The following ZGRF1 variants were observed in gnomAD, a reference collection of about 807,000 sequenced individuals.
ZGRF1 encodes the protein 5'-3' DNA helicase ZGRF1.
In ZGRF1, 196 loss-of-function variants were observed where a neutral mutation model predicts 203.5. The observed-to-expected ratio is 0.96, with a 90% CI of 0.86 to 1.08. The LOEUF is 1.08. Among genes scored for constraint, ZGRF1 ranks in the 50% least tolerant of loss-of-function variants. The pLI, the probability that ZGRF1 is intolerant of heterozygous loss-of-function variation, is 0.00. For missense variants in ZGRF1, 2,326 were observed against 2,416.3 expected, an observed-to-expected ratio of 0.96 and a Z score of 0.78; for synonymous variants, 809 against 841.3, an observed-to-expected ratio of 0.96 and a Z score of 0.66.
chr4:112,541,057 C>A (rs781178594), intron 25 of ZGRF1, 35 bp downstream of exon 25: 4 of 1,547,972 alleles, frequency 2.6e-6, no homozygotes, highest in Non-Finnish European at 3.5e-6. Context: ...GGAACCTAAA[C>A]CATGTTGACT....
At chr4:112,541,409 TAAA>T (rs1213989518) in intron 24 of ZGRF1, 141 bp from the exon 25 acceptor site, 3 of 375,606 alleles carry the variant, frequency 8.0e-6, no homozygotes, top group Non-Finnish European at 1.4e-5. Flanking sequence ...AGACTATAAA[TAAA>T]AATATTTTTT....
At chr4:112,632,223 A>G (rs1227222596) in intron 2 of ZGRF1, among the ~76,000 whole-genome samples, 1 of 152,100 alleles carries the variant, frequency 6.6e-6, no homozygotes, top group Non-Finnish European at 1.5e-5. Context: ...AAATAAGGGA[A>G]GGAAGGGAGA....
intron 24 of ZGRF1, among the ~76,000 whole-genome samples, chr4:112,542,692 G>A (rs1737886880): frequency 1.3e-5 from 2 of 152,132 alleles, no homozygotes; most frequent in South Asian, 4.2e-4. Flanking sequence ...TTCTGCCTCA[G>A]CTTCCTGAGT....
chr4:112,636,666 G>A (rs1256871692), intron 1 of ZGRF1, 185 bp downstream of exon 1: 1 of 152,104 alleles, frequency 6.6e-6, no homozygotes, highest in African/African-American at 2.4e-5. Context: ...AGCAAGGCCT[G>A]GGAAAAACGG....
chr4:112,577,949 C>T (rs1271065609), intron 16 of ZGRF1, among the ~76,000 whole-genome samples: 1 of 122,692 alleles, frequency 8.2e-6, no homozygotes, highest in Non-Finnish European at 1.8e-5. Flanking sequence ...ATCTACACAA[C>T]TCTCCACCCC....
In ZGRF1 at chr4:112,603,528, A is replaced by C; in HGVS notation, c.2972T>G (p.Leu991Trp). The C allele has an allele frequency of 6.3e-7, 1 of 1,596,834 alleles. No individual in the cohort carries two copies. The highest frequency in any genetic ancestry group is 8.5e-7 in the Non-Finnish European group (1 of 1,170,220). Reference sequence around the variant, plus strand: ...CAACTATAAAAATATTTTTACCTGCAAGAAGTCAATCTGCATACACGTGCT... The same window carrying C: ...CAACTATAAAAATATTTTTACCTGCCAGAAGTCAATCTGCATACACGTGCT... Reference protein sequence around the residue: ...LPSTCMQIDFLQVTSPEENIS... With the variant: ...LPSTCMQIDFWQVTSPEENIS... Residue 991 changes from leucine to tryptophan, a missense_variant, in exon 10 of 28, where the codon TTG (leucine) becomes TGG (tryptophan). Transcript: ENST00000505019.
intron 6 of ZGRF1, 45 bp downstream of exon 6, chr4:112,617,395 A>T: frequency 1.5e-6 from 2 of 1,349,118 alleles, no homozygotes; most frequent in Non-Finnish European, 1.0e-6. Context: ...TTATAGCTCA[A>T]AGACCTATAA....
intron 16 of ZGRF1, among the ~76,000 whole-genome samples, chr4:112,566,440 T>C: frequency 6.6e-6 from 1 of 151,390 alleles, no homozygotes; most frequent in East Asian, 1.9e-4. Context: ...TGTATACATA[T>C]GTAACTAACC....
chr4:112,541,741 T>A (rs886780538), intron 24 of ZGRF1, among the ~76,000 whole-genome samples: 10 of 152,028 alleles, frequency 6.6e-5, no homozygotes, highest in African/African-American at 2.4e-4. Flanking sequence ...TTGGCCAAGC[T>A]GGTCTTGAAC....
chr4:112,550,595 G>A (rs1225917258), intron 22 of ZGRF1, among the ~76,000 whole-genome samples: 1 of 152,172 alleles, frequency 6.6e-6, no homozygotes, highest in Non-Finnish European at 1.5e-5. Context: ...GCTCACGCCT[G>A]TAATCCCAGC....
chr4:112,622,931 T>G (rs1317431012), intron 4 of ZGRF1, among the ~76,000 whole-genome samples: 3 of 152,160 alleles, frequency 2.0e-5, no homozygotes, highest in Non-Finnish European at 4.4e-5. Flanking sequence ...AAGTATTAAG[T>G]CTAGTACCCA....
chr4:112,575,481 C>T (rs866741475), intron 16 of ZGRF1, among the ~76,000 whole-genome samples: 5 of 152,058 alleles, frequency 3.3e-5, no homozygotes, highest in African/African-American at 7.2e-5. Flanking sequence ...GGTGAGGCAT[C>T]GCCTCACCCG....
At chr4:112,588,399 T>C (rs998490085) in intron 11 of ZGRF1, among the ~76,000 whole-genome samples, 2 of 152,144 alleles carry the variant, frequency 1.3e-5, no homozygotes, top group African/African-American at 2.4e-5. Flanking sequence ...ATGGTTCATT[T>C]ATATGACTAT....
intron 22 of ZGRF1, among the ~76,000 whole-genome samples, chr4:112,552,522 A>G (rs1740161847): frequency 6.6e-6 from 1 of 152,166 alleles, no homozygotes; most frequent in African/African-American, 2.4e-5. Context: ...TGGGTGAGTA[A>G]AATGATAAGT....
chr4:112,616,363 T>C, intron 6 of ZGRF1, among the ~76,000 whole-genome samples: 1 of 76,896 alleles, frequency 1.3e-5, no homozygotes, highest in Non-Finnish European at 2.6e-5. Flanking sequence ...CTACTAAAAA[T>C]ACAAAAAAAA....
At chr4:112,620,297 T>C in intron 4 of ZGRF1, 107 bp from the exon 5 acceptor site, 1 of 678,118 alleles carries the variant, frequency 1.5e-6, no homozygotes, top group East Asian at 2.9e-5. Context: ...TAAATAGGTG[T>C]TGAACGAATA....
chr4:112,612,091 AAGT>A (rs1040594493), intron 7 of ZGRF1, among the ~76,000 whole-genome samples: 2 of 151,304 alleles, frequency 1.3e-5, no homozygotes, highest in Non-Finnish European at 2.9e-5. Flanking sequence ...TCAGCCTCCC[AAGT>A]AGCTGAGATT....
intron 10 of ZGRF1, among the ~76,000 whole-genome samples, chr4:112,592,754 T>C (rs561218906): frequency 6.6e-6 from 1 of 152,216 alleles, no homozygotes; most frequent in Non-Finnish European, 1.5e-5. Flanking sequence ...TTTATTCTTA[T>C]GTATTCACCA....
At chr4:112,569,753 G>T (rs1488613115) in intron 16 of ZGRF1, among the ~76,000 whole-genome samples, 2 of 151,628 alleles carry the variant, frequency 1.3e-5, no homozygotes, top group Admixed American at 1.3e-4. Context: ...TCAACTATCG[G>T]GCTTATTCTA....
Sources: allele counts gnomAD v4.1 joint callset (sites outside exome capture counted in the v4.1 genomes callset), GRCh38; gene constraint gnomAD v4.1.1; transcripts MANE v1.5; gene names NCBI Gene and HGNC (gene_info 2026-07-23, HGNC 2026-07-21).